Variants in TRAK1 observed in about 807,000 individuals in gnomAD.
TRAK1 encodes trafficking kinesin protein 1, also known as trafficking kinesin-binding protein 1.
TRAK1 carries 33 observed loss-of-function variants against 92.1 expected under a neutral mutation model. The observed-to-expected ratio is 0.36, with a 90% confidence interval of 0.27 to 0.48. The LOEUF is 0.48. Among genes scored for constraint, TRAK1 ranks in the 20% least tolerant of loss-of-function variants. The pLI is 0.99. For missense variants in TRAK1, 1,123 were observed against 1,257.9 expected, an observed-to-expected ratio of 0.89 and a Z score of 1.62; for synonymous variants, 521 against 517.3, an observed-to-expected ratio of 1.01 and a Z score of -0.10.
At chr3:42,019,139 G>A (rs528350360) in intron 1 of TRAK1, among the ~76,000 whole-genome samples, 1 of 151,648 alleles carries the variant, frequency 6.6e-6, no homozygotes, top group South Asian at 2.1e-4. Flanking sequence ...GAAAAAAAAA[G>A]CATATTAATT....
chr3:42,021,013 C>G (rs1247372089), intron 1 of TRAK1, among the ~76,000 whole-genome samples: 1 of 152,160 alleles, frequency 6.6e-6, no homozygotes, highest in Non-Finnish European at 1.5e-5. Context: ...GGGACAGATT[C>G]TTGTCATGTT....
chr3:42,173,788 C>T (rs1182549835), intron 2 of TRAK1, among the ~76,000 whole-genome samples: 1 of 152,084 alleles, frequency 6.6e-6, no homozygotes, highest in African/African-American at 2.4e-5. Flanking sequence ...GAGTAGTCAT[C>T]GCGACTACCC....
chr3:42,192,936 C>T, intron 7 of TRAK1, 139 bp from the exon 8 acceptor site: 2 of 1,236,610 alleles, frequency 1.6e-6, no homozygotes, highest in Non-Finnish European at 2.2e-6. Flanking sequence ...TTATGAGTTC[C>T]TTCCTGCACC....
At position 42,199,170 on chromosome 3, in the gene TRAK1, T is replaced by C. The variant is rs1460575295; in HGVS notation, c.1114-7T>C. ...CACTTGACATTTGTCTTTCTGGCTT[T>C]TCCCAGGATTCCTTGGCAGCAGAGA... On this transcript the variant is annotated splice_polypyrimidine_tract_variant and splice_region_variant and intron_variant, in intron 10 of 15. Coordinates refer to ENST00000327628, the MANE Select transcript of TRAK1 (RefSeq NM_001042646.3). 1 of 1,613,198 alleles carries C rather than the reference T, an allele frequency of 6.2e-7. No individual in the cohort carries two copies. Among genetic ancestry groups the C allele is most frequent in the Non-Finnish European group, 8.5e-7 (1 of 1,180,036 alleles).
At chr3:42,146,003 G>A (rs1699280768) in intron 2 of TRAK1, 2 of 361,938 alleles carry the variant, frequency 5.5e-6, no homozygotes, top group Non-Finnish European at 1.1e-5. Flanking sequence ...ACAATGAAAT[G>A]TTCTCTGAAG....
intron 1 of TRAK1, among the ~76,000 whole-genome samples, chr3:42,070,885 A>G (rs1199760230): frequency 1.3e-5 from 2 of 152,206 alleles, no homozygotes; most frequent in Non-Finnish European, 2.9e-5. Flanking sequence ...TTATGCATTT[A>G]TTAGCATGTT....
chr3:42,107,373 G>A (rs1297915731), intron 1 of TRAK1, among the ~76,000 whole-genome samples: 1 of 152,074 alleles, frequency 6.6e-6, no homozygotes, highest in Non-Finnish European at 1.5e-5. Context: ...TTAGCCTGGC[G>A]TGGTGGTGCG....
intron 1 of TRAK1, among the ~76,000 whole-genome samples, chr3:42,022,721 T>TAAAAA (rs1278316179): frequency 2.2e-5 from 1 of 45,896 alleles, no homozygotes. Context: ...GACCCTGTTT[T>TAAAAA]AAAAAAAAAA....
chr3:42,020,319 C>T (rs1430142285), intron 1 of TRAK1, among the ~76,000 whole-genome samples: 1 of 152,204 alleles, frequency 6.6e-6, no homozygotes, highest in African/African-American at 2.4e-5. Flanking sequence ...CTGCCAGTAA[C>T]TCCTTGTAGA....
At chr3:42,178,738 G>A (rs937379186) in intron 3 of TRAK1, among the ~76,000 whole-genome samples, 9 of 152,138 alleles carry the variant, frequency 5.9e-5, no homozygotes, top group African/African-American at 1.9e-4. Flanking sequence ...ACTTTGGGAG[G>A]CCAAGACAGG....
intron 4 of TRAK1, among the ~76,000 whole-genome samples, chr3:42,186,013 C>G (rs1385732588): frequency 7.9e-6 from 1 of 126,828 alleles, no homozygotes; most frequent in Non-Finnish European, 1.6e-5. Context: ...GATAAGGTCT[C>G]ACTCTGTCAC....
intron 1 of TRAK1, among the ~76,000 whole-genome samples, chr3:42,023,527 C>T (rs967877828): frequency 6.6e-6 from 1 of 151,862 alleles, no homozygotes. Flanking sequence ...TGGCTGTACT[C>T]AAGGTGAGAG....
At chr3:42,116,530 C>G (rs918705127) in intron 1 of TRAK1, among the ~76,000 whole-genome samples, 3 of 152,184 alleles carry the variant, frequency 2.0e-5, no homozygotes, top group African/African-American at 7.2e-5. Context: ...TTATTCCTGC[C>G]CTTTAATCCT....
At chr3:42,179,026 A>T (rs1703626338) in intron 3 of TRAK1, among the ~76,000 whole-genome samples, 1 of 152,170 alleles carries the variant, frequency 6.6e-6, no homozygotes, top group African/African-American at 2.4e-5. Flanking sequence ...GCCACTGTTT[A>T]TTTGAATCTC....
At chr3:42,100,432 T>A (rs988378834) in intron 1 of TRAK1, among the ~76,000 whole-genome samples, 7 of 152,210 alleles carry the variant, frequency 4.6e-5, no homozygotes, top group African/African-American at 1.7e-4. Flanking sequence ...AAAAGAAATC[T>A]TCTCCCATCT....
intron 1 of TRAK1, among the ~76,000 whole-genome samples, chr3:42,025,594 A>G (rs890202605): frequency 6.6e-6 from 1 of 151,176 alleles, no homozygotes; most frequent in Admixed American, 6.6e-5. Flanking sequence ...GGACTGCTGG[A>G]TCAGGGTAAC....
chr3:42,054,904 ATTTTTTTTTTTTTTTTTTTTTT>A (rs1157067369), intron 1 of TRAK1, among the ~76,000 whole-genome samples: 3 of 37,106 alleles, frequency 8.1e-5, no homozygotes, highest in African/African-American at 2.7e-4. Flanking sequence ...AGCAAACTAG[ATTTTTTTTTTTTTTTTTTTTTT>A]TTTTTTTTTT....
chr3:42,034,475 T>C (rs1702256900), intron 1 of TRAK1, among the ~76,000 whole-genome samples: 1 of 152,126 alleles, frequency 6.6e-6, no homozygotes, highest in Admixed American at 6.5e-5. Context: ...GTATTTCTTA[T>C]AGAGATGAGG....
At chr3:42,185,673 CTTTTTT>C (rs11376284) in intron 4 of TRAK1, among the ~76,000 whole-genome samples, 1 of 136,620 alleles carries the variant, frequency 7.3e-6, no homozygotes. Context: ...TTATTCCTTT[CTTTTTT>C]TTTTTTTTTG....
Sources: allele counts gnomAD v4.1 joint callset (sites outside exome capture counted in the v4.1 genomes callset), GRCh38; gene constraint gnomAD v4.1.1; transcripts MANE v1.5; gene names NCBI Gene and HGNC (gene_info 2026-07-23, HGNC 2026-07-21).